The following MCTP1 variants were observed in gnomAD, a reference collection of about 807,000 sequenced individuals.
MCTP1 encodes the protein multiple C2 and transmembrane domain containing 1.
Under a neutral mutation model 120.6 loss-of-function variants are expected in MCTP1, and 69 were observed. That is an observed-to-expected ratio of 0.57 (90% CI 0.47 to 0.70). The LOEUF is 0.70. MCTP1 is among the 30% of genes least tolerant of loss of function. MCTP1 has a pLI of 0.00. For synonymous variants in MCTP1, 529 were observed against 493.1 expected (o/e 1.07, Z -0.96); for missense variants, 1,203 against 1,248.8 (o/e 0.96, Z 0.55).
chr5:95,005,245 T>C (rs1410951147), intron 2 of MCTP1, among the ~76,000 whole-genome samples: 1 of 152,188 alleles, frequency 6.6e-6, no homozygotes, highest in Admixed American at 6.5e-5. Flanking sequence ...ACTCATTGTA[T>C]CTTGGAAGTA....
rs1757779834 is a variant in MCTP1, at chr5:95,115,728, T to A, written c.721-98244A>T. Among the ~76,000 whole-genome samples the A allele has an allele frequency of 2.0e-5, 3 of 152,050 alleles. No homozygotes were observed. The South Asian group carries it at 6.2e-4, about 31-fold the overall frequency. On this transcript the variant is annotated intron_variant, in intron 1 of 22. Transcript: ENST00000515393. ...GAGGTAGAAAGTTTATTCAAAGAGA[T>A]AATAACACAGAACTCCCCAAAGCTA...
At chr5:95,079,476 C>T in intron 1 of MCTP1, among the ~76,000 whole-genome samples, 1 of 152,174 alleles carries the variant, frequency 6.6e-6, no homozygotes, top group East Asian at 1.9e-4. Context: ...TGCTATCTCA[C>T]TGCATTTATA....
intron 6 of MCTP1, chr5:94,931,626 G>C (rs1474029230): frequency 3.9e-6 from 1 of 253,864 alleles, no homozygotes; most frequent in African/African-American, 2.2e-5. Flanking sequence ...TCTTTCTTCT[G>C]TCTGGAGTTG....
At chr5:95,233,694 T>G (rs1456274764) in intron 1 of MCTP1, among the ~76,000 whole-genome samples, 1 of 152,162 alleles carries the variant, frequency 6.6e-6, no homozygotes, top group Admixed American at 6.5e-5. Flanking sequence ...AGAAAGGATT[T>G]TAAACTGAAT....
At chr5:95,004,389 C>T (rs1223782670) in intron 2 of MCTP1, among the ~76,000 whole-genome samples, 1 of 152,126 alleles carries the variant, frequency 6.6e-6, no homozygotes, top group Non-Finnish European at 1.5e-5. Flanking sequence ...GAATTCAAGC[C>T]CGCTGTAGAA....
At chr5:94,727,955 G>A (rs540523622) in intron 19 of MCTP1, among the ~76,000 whole-genome samples, 2 of 152,200 alleles carry the variant, frequency 1.3e-5, no homozygotes, top group East Asian at 1.9e-4. Context: ...AAATTTGAGG[G>A]GAACTAGGCC....
In MCTP1 at chr5:95,134,992, C is replaced by CA. The variant is rs70978170; in HGVS notation, c.721-117509dup. 1.6e-3 allele frequency among the ~76,000 whole-genome samples: 56 copies of CA among 35,338 alleles called. 7 individuals are homozygous for CA. Among genetic ancestry groups the CA allele is most frequent in the East Asian group, 8.9e-3 (6 of 672 alleles). The allele number at this position is 35,338 out of a possible 152,430, so 23.2% of individuals were successfully genotyped here. ...TCTCGATTTACTGTTGCCTGATGGC[C>CA]AAAAAAAAAAAAAAAAAAAAAAAAA... On this transcript the variant is annotated intron_variant, in intron 1 of 22. Transcript: ENST00000515393.
intron 13 of MCTP1, among the ~76,000 whole-genome samples, chr5:94,872,643 A>C (rs1413480137): frequency 6.6e-6 from 1 of 152,104 alleles, no homozygotes; most frequent in Non-Finnish European, 1.5e-5. Flanking sequence ...TTTCTAAAAC[A>C]AAAGGAAAAT....
At chr5:95,008,895 T>G (rs1404470879) in intron 2 of MCTP1, among the ~76,000 whole-genome samples, 1 of 152,012 alleles carries the variant, frequency 6.6e-6, no homozygotes, top group Non-Finnish European at 1.5e-5. Context: ...ATGGGCACAG[T>G]GGCTTACACT....
chr5:95,070,819 T>C (rs1206542082), intron 1 of MCTP1, among the ~76,000 whole-genome samples: 8 of 152,044 alleles, frequency 5.3e-5, no homozygotes, highest in Admixed American at 5.2e-4. Flanking sequence ...AACAACAAAG[T>C]TTAAGAAGCA....
intron 1 of MCTP1, among the ~76,000 whole-genome samples, chr5:95,133,152 T>G (rs1244468932): frequency 6.6e-6 from 1 of 152,184 alleles, no homozygotes; most frequent in African/African-American, 2.4e-5. Context: ...ATATAAAAAA[T>G]GCCCATTAGA....
intron 17 of MCTP1, among the ~76,000 whole-genome samples, chr5:94,812,065 C>T (rs1224506742): frequency 6.6e-6 from 1 of 152,138 alleles, no homozygotes; most frequent in Non-Finnish European, 1.5e-5. Flanking sequence ...TCTTTGAGTA[C>T]TGTTTTAAAG....
At chr5:94,714,439 G>C (rs888079763) in intron 20 of MCTP1, among the ~76,000 whole-genome samples, 2 of 151,330 alleles carry the variant, frequency 1.3e-5, no homozygotes, top group African/African-American at 4.8e-5. Context: ...TCCTCATTTA[G>C]CTTGGTTTAT....
chr5:95,124,975 ATC>A (rs1463321307), intron 1 of MCTP1, among the ~76,000 whole-genome samples: 1 of 152,256 alleles, frequency 6.6e-6, no homozygotes, highest in Non-Finnish European at 1.5e-5. Context: ...AAATCATAAC[ATC>A]TCTTTGAAGA....
At chr5:94,779,060 G>A (rs1205633513) in intron 19 of MCTP1, 50 bp downstream of exon 19, 1 of 1,492,506 alleles carries the variant, frequency 6.7e-7, no homozygotes, top group Non-Finnish European at 9.4e-7. Flanking sequence ...ACAGTGTCAT[G>A]TCTACATTTC....
intron 1 of MCTP1, among the ~76,000 whole-genome samples, chr5:95,167,842 A>G (rs1746633007): frequency 6.6e-6 from 1 of 152,132 alleles, no homozygotes; most frequent in East Asian, 1.9e-4. Context: ...CCCATTCTGT[A>G]GGTTGCCTGT....
chr5:95,191,464 A>C (rs1013985752), intron 1 of MCTP1, among the ~76,000 whole-genome samples: 1 of 152,024 alleles, frequency 6.6e-6, no homozygotes, highest in African/African-American at 2.4e-5. Context: ...AATCTGAAGA[A>C]AAGGTTATTG....
Position 95,031,366 on chromosome 5 carries a change from A to G in MCTP1, c.721-13882T>C, listed in dbSNP as rs539787856. On this transcript the variant is annotated intron_variant, in intron 1 of 22. Transcript: ENST00000515393. ...CAAGGTCAACATGAAAGAAAAAAAA[A>G]TCTTAAAGGAAGATAGACAAAACAG... Among the ~76,000 whole-genome samples, 41 of 152,216 alleles carry G rather than the reference A, an allele frequency of 2.7e-4. 2 individuals carry two copies. The South Asian group carries it at 8.3e-3, about 31-fold the overall frequency.
intron 19 of MCTP1, among the ~76,000 whole-genome samples, chr5:94,762,449 T>C (rs963928961): frequency 6.6e-6 from 1 of 152,188 alleles, no homozygotes; most frequent in Non-Finnish European, 1.5e-5. Context: ...GTTTCCACGT[T>C]GGATCTGTGC....
Sources: allele counts gnomAD v4.1 joint callset (sites outside exome capture counted in the v4.1 genomes callset), GRCh38; gene constraint gnomAD v4.1.1; transcripts MANE v1.5; gene names NCBI Gene and HGNC (gene_info 2026-07-23, HGNC 2026-07-21).